Variants in PDE10A observed in about 807,000 individuals in gnomAD.
The protein encoded by PDE10A is cAMP and cAMP-inhibited cGMP 3',5'-cyclic phosphodiesterase 10A.
PDE10A carries 39 observed loss-of-function variants against 97.7 expected under a neutral mutation model. The ratio of observed to expected loss-of-function variants is 0.40; its 90% CI spans 0.31 to 0.52. The LOEUF (loss-of-function observed/expected upper bound fraction) is 0.52. Ranked by LOEUF, PDE10A falls within the 20% of genes least tolerant of loss-of-function variation. PDE10A has a pLI of 0.56. For synonymous variants in PDE10A, 371 were observed against 376.8 expected, an observed-to-expected ratio of 0.98 and a Z score of 0.18; for missense variants, 731 against 1,047.8, an observed-to-expected ratio of 0.70 and a Z score of 4.17.
chr6:165,429,082 A>G (rs1789371059), intron 9 of PDE10A, among the ~76,000 whole-genome samples: 1 of 152,128 alleles, frequency 6.6e-6, no homozygotes, highest in Non-Finnish European at 1.5e-5. Context: ...CAAATATTTA[A>G]ATGTGCTAAA....
intron 1 of PDE10A, among the ~76,000 whole-genome samples, chr6:165,732,486 G>T (rs1233781536): frequency 6.6e-6 from 1 of 152,188 alleles, no homozygotes; most frequent in Non-Finnish European, 1.5e-5. Context: ...GCACACAGTC[G>T]CAGGTGGGCG....
chr6:165,759,323 C>T (rs917882644), intron 1 of PDE10A, among the ~76,000 whole-genome samples: 2 of 152,146 alleles, frequency 1.3e-5, no homozygotes, highest in Non-Finnish European at 2.9e-5. Flanking sequence ...AGGGAAAGTA[C>T]AAGGCCAGGG....
intron 1 of PDE10A, among the ~76,000 whole-genome samples, chr6:165,946,146 G>A (rs754149062): frequency 6.6e-6 from 1 of 152,328 alleles, no homozygotes; most frequent in African/African-American, 2.4e-5. Flanking sequence ...GGTTCAATGA[G>A]ACAGAAGGAA....
At chr6:165,421,887 C>A (rs1405492795) in intron 10 of PDE10A, among the ~76,000 whole-genome samples, 3 of 152,128 alleles carry the variant, frequency 2.0e-5, no homozygotes, top group African/African-American at 7.2e-5. Flanking sequence ...CATGGCAAAA[C>A]CCTGTCTCTA....
chr6:165,702,735 C>T (rs1395056483), intron 1 of PDE10A, among the ~76,000 whole-genome samples: 2 of 152,192 alleles, frequency 1.3e-5, no homozygotes, highest in Non-Finnish European at 2.9e-5. Context: ...ATCTGTCGCC[C>T]CTCCAGGTGA....
chr6:165,888,102 G>A (rs1781678689), intron 1 of PDE10A, among the ~76,000 whole-genome samples: 1 of 152,022 alleles, frequency 6.6e-6, no homozygotes, highest in Admixed American at 6.5e-5. Context: ...TTATTTATAT[G>A]GCTAATTCAC....
At chr6:165,491,247 A>C (rs1440891013) in intron 2 of PDE10A, among the ~76,000 whole-genome samples, 2 of 152,168 alleles carry the variant, frequency 1.3e-5, no homozygotes, top group Non-Finnish European at 2.9e-5. Flanking sequence ...GGAGCGCCCA[A>C]ATTTATAAAA....
At chr6:165,440,898 T>A (rs903683516) in intron 5 of PDE10A, among the ~76,000 whole-genome samples, 4 of 152,060 alleles carry the variant, frequency 2.6e-5, no homozygotes, top group Non-Finnish European at 4.4e-5. Context: ...CTCTGATAGA[T>A]AACAGTGGAA....
intron 1 of PDE10A, among the ~76,000 whole-genome samples, chr6:165,884,779 G>T (rs1340742179): frequency 6.6e-6 from 1 of 152,114 alleles, no homozygotes; most frequent in African/African-American, 2.4e-5. Context: ...CCACAATAAT[G>T]GGTCAGATTA....
intron 1 of PDE10A, among the ~76,000 whole-genome samples, chr6:165,723,896 G>A (rs1792227444): frequency 1.3e-5 from 2 of 151,342 alleles, no homozygotes; most frequent in African/African-American, 4.9e-5. Flanking sequence ...AATTTTATTC[G>A]GATAATAAAA....
At chr6:165,965,239 G>A (rs954649762) in intron 1 of PDE10A, among the ~76,000 whole-genome samples, 1 of 152,184 alleles carries the variant, frequency 6.6e-6, no homozygotes, top group Admixed American at 6.5e-5. Flanking sequence ...GAGGGATGGC[G>A]AGGAGGTGGG....
At chr6:165,987,811 T>C (rs747638842) in exon 1 of PDE10A, 4 of 442,128 alleles carry the variant, frequency 9.0e-6, no homozygotes, top group Non-Finnish European at 1.8e-5. Context: ...AAGGCGAGTG[T>C]GTGGGGTTCC....
At chr6:165,929,517 C>T (rs577424779) in intron 1 of PDE10A, among the ~76,000 whole-genome samples, 1 of 152,316 alleles carries the variant, frequency 6.6e-6, no homozygotes, top group Admixed American at 6.5e-5. Context: ...GCCCACGGGA[C>T]CCGGAGTGAC....
intron 2 of PDE10A, among the ~76,000 whole-genome samples, chr6:165,525,175 C>T (rs1782359551): frequency 6.6e-6 from 1 of 152,062 alleles, no homozygotes; most frequent in African/African-American, 2.4e-5. Flanking sequence ...TGAGGAGGTG[C>T]ACTACACTTG....
intron 3 of PDE10A, among the ~76,000 whole-genome samples, chr6:165,470,747 A>AG (rs1778945438): frequency 1.3e-5 from 2 of 152,152 alleles, no homozygotes; most frequent in South Asian, 4.1e-4. Context: ...AAGCTGCAAT[A>AG]GGGAGGACCT....
intron 1 of PDE10A, chr6:165,780,777 C>G (rs1442368571): frequency 1.3e-5 from 2 of 152,434 alleles, no homozygotes; most frequent in East Asian, 3.9e-4. Flanking sequence ...CTCACCCTCT[C>G]AACGCTTTTT....
intron 2 of PDE10A, among the ~76,000 whole-genome samples, chr6:165,492,681 G>A (rs524367): frequency 0.25 from 38,680 of 151,890 alleles, 5,109 homozygotes; most frequent in African/African-American, 0.32. Flanking sequence ...GGCATAAAAG[G>A]GACATACCTT....
intron 1 of PDE10A, among the ~76,000 whole-genome samples, chr6:165,875,763 T>TG (rs1781326330): frequency 6.7e-6 from 1 of 150,002 alleles, no homozygotes; most frequent in Non-Finnish European, 1.5e-5. Flanking sequence ...TGTGTGTGTG[T>TG]TTGTTTTAAC....
chr6:165,559,526 A>C (rs1784421125), intron 1 of PDE10A, among the ~76,000 whole-genome samples: 1 of 152,232 alleles, frequency 6.6e-6, no homozygotes. Context: ...ACATGAGAAT[A>C]CTTTTTTCAA....
Sources: gnomAD v4.1 joint callset for allele counts (sites outside exome capture counted in the v4.1 genomes callset) on GRCh38, gnomAD v4.1.1 for gene constraint, MANE v1.5 for transcripts, NCBI Gene and HGNC (gene_info 2026-07-23, HGNC 2026-07-21) for gene names.